The following B3GLCT variants were observed in gnomAD, a reference collection of about 807,000 sequenced individuals.
B3GLCT encodes the protein beta-1,3-glucosyltransferase.
A neutral mutation model predicts 63.4 loss-of-function variants in B3GLCT; 65 were observed. The observed-to-expected ratio is 1.03, with a 90% CI of 0.84 to 1.26. The LOEUF (loss-of-function observed/expected upper bound fraction) is 1.26. B3GLCT is among the 50% of genes most tolerant of loss of function. The probability of loss-of-function intolerance (pLI) is 0.00; values close to 1 mark genes in which losing one functional copy is unlikely to be tolerated. For missense variants in B3GLCT, 577 were observed against 604.8 expected (o/e 0.95, Z 0.48); for synonymous variants, 233 against 219.2 (o/e 1.06, Z -0.55).
chr13:31,327,633 G>A (rs1875699274), intron 14 of B3GLCT, among the ~76,000 whole-genome samples: 1 of 152,180 alleles, frequency 6.6e-6, no homozygotes, highest in African/African-American at 2.4e-5. Context: ...ACGGAATTGA[G>A]AGGATGTTTC....
chr13:31,222,074 A>ATTTTTT (rs5802597), intron 2 of B3GLCT, among the ~76,000 whole-genome samples: 3 of 92,956 alleles, frequency 3.2e-5, no homozygotes, highest in Non-Finnish European at 6.5e-5. Context: ...TGTGCTCCTG[A>ATTTTTT]TTTTTTTTTT....
At chr13:31,247,726 A>C (rs1235809627) in intron 5 of B3GLCT, 129 bp from the exon 6 acceptor site, 10 of 570,220 alleles carry the variant, frequency 1.8e-5, no homozygotes, top group East Asian at 5.9e-5. Context: ...AAGCTGAAGA[A>C]AAATATAGAG....
intron 12 of B3GLCT, among the ~76,000 whole-genome samples, chr13:31,314,412 CTT>C (rs1257633736): frequency 6.6e-6 from 1 of 152,222 alleles, no homozygotes; most frequent in Admixed American, 6.5e-5. Context: ...GAACCCACCT[CTT>C]GCATCAGTGT....
chr13:31,233,357 G>C (rs933340775), intron 4 of B3GLCT, among the ~76,000 whole-genome samples: 1 of 151,958 alleles, frequency 6.6e-6, no homozygotes, highest in Non-Finnish European at 1.5e-5. Flanking sequence ...AGAACCAGAA[G>C]ATTCACTTGA....
chr13:31,248,441 A>G (rs1871290071), intron 6 of B3GLCT, among the ~76,000 whole-genome samples: 1 of 152,238 alleles, frequency 6.6e-6, no homozygotes, highest in Non-Finnish European at 1.5e-5. Context: ...ACAGACCATT[A>G]GAGAAGCAGT....
At chr13:31,328,658 A>C (rs1875756005) in intron 14 of B3GLCT, among the ~76,000 whole-genome samples, 1 of 122,094 alleles carries the variant, frequency 8.2e-6, no homozygotes, top group South Asian at 2.9e-4. Flanking sequence ...GCCCCACTGC[A>C]CTCCAGCCTG....
intron 1 of B3GLCT, among the ~76,000 whole-genome samples, chr13:31,206,614 C>T (rs1357193341): frequency 6.8e-6 from 1 of 147,006 alleles, no homozygotes; most frequent in Non-Finnish European, 1.5e-5. Context: ...GGTAGCCGGG[C>T]ATGGTGGCGG....
chr13:31,257,999 C>T (rs1462977346), intron 6 of B3GLCT, among the ~76,000 whole-genome samples: 2 of 151,960 alleles, frequency 1.3e-5, no homozygotes, highest in Admixed American at 6.6e-5. Flanking sequence ...TATAATGTGT[C>T]GGATGGTAAC....
chr13:31,210,390 A>G (rs1370559469), intron 1 of B3GLCT, among the ~76,000 whole-genome samples: 2 of 152,266 alleles, frequency 1.3e-5, no homozygotes, highest in Non-Finnish European at 2.9e-5. Context: ...GAATCTGGAA[A>G]TTAATATGAA....
intron 4 of B3GLCT, among the ~76,000 whole-genome samples, chr13:31,239,653 T>C (rs1870831041): frequency 6.6e-6 from 1 of 151,762 alleles, no homozygotes; most frequent in Non-Finnish European, 1.5e-5. Flanking sequence ...ATCTTGAATT[T>C]ATGTTGTGAT....
intron 7 of B3GLCT, among the ~76,000 whole-genome samples, chr13:31,266,027 T>G (rs1872285724): frequency 6.6e-6 from 1 of 151,264 alleles, no homozygotes; most frequent in African/African-American, 2.4e-5. Context: ...TGAAACGGAG[T>G]CTCGCTCTGT....
intron 4 of B3GLCT, among the ~76,000 whole-genome samples, chr13:31,241,147 T>C (rs913233187): frequency 1.3e-5 from 2 of 152,258 alleles, no homozygotes; most frequent in Non-Finnish European, 2.9e-5. Flanking sequence ...TGTCTCTCTT[T>C]GGTTGCCCAG....
rs751795889 is a variant in B3GLCT, at chr13:31,260,991, A to G, written c.505A>G (p.Ile169Val). The G allele has an allele frequency of 6.2e-7, 1 of 1,614,040 alleles. No homozygotes were observed. Among genetic ancestry groups the G allele is most frequent in the South Asian group, 1.1e-5 (1 of 91,076 alleles). Residue 169 changes from isoleucine (I) to valine (V), a missense_variant, in exon 7 of 15, where the codon ATT (isoleucine) becomes GTT (valine). Ile to Val is a conservative substitution (Grantham distance 29, BLOSUM62 3). Coordinates refer to ENST00000343307, the MANE Select transcript of B3GLCT (RefSeq NM_194318.4). Reference protein sequence around the residue: ...KALHDEEATIIHHYAFSENPT... With the variant: ...KALHDEEATIVHHYAFSENPT... ...ATTACATGATGAAGAAGCTACAATA[A>G]TTCACCATTATGCCTTTTCCGAGAA... is the stretch of plus-strand genomic sequence containing the variant.
Position 31,200,046 on chromosome 13 carries a change from C to T in B3GLCT, c.-39C>T. On this transcript the variant is annotated 5_prime_UTR_variant, in exon 1 of 15. Coordinates refer to ENST00000343307, the MANE Select transcript of B3GLCT (RefSeq NM_194318.4). ...GCTCCGCTCCCCGCGCGTCTCCCTT[C>T]CCCGCGCCCAGGTAGGGCGCTCAGC... 2.3e-6 allele frequency: 3 copies of T among 1,303,894 alleles called. No individual in the cohort carries two copies. Among genetic ancestry groups the T allele is most frequent in the South Asian group, 1.7e-5 (1 of 59,508 alleles). 80.8% of individuals were successfully genotyped at this position (1,303,894 alleles called of 1,614,324 possible).
intron 12 of B3GLCT, among the ~76,000 whole-genome samples, chr13:31,301,378 A>G (rs781501130): frequency 6.6e-6 from 1 of 152,196 alleles, no homozygotes; most frequent in Non-Finnish European, 1.5e-5. Context: ...AGCAAGTTCC[A>G]TTAATACTGC....
intron 4 of B3GLCT, among the ~76,000 whole-genome samples, chr13:31,243,659 C>T (rs1012610427): frequency 6.6e-6 from 1 of 152,174 alleles, no homozygotes; most frequent in Non-Finnish European, 1.5e-5. Context: ...TAAGAACCAA[C>T]TAATGAATTA....
At chr13:31,219,285 G>T (rs1869706410) in intron 2 of B3GLCT, among the ~76,000 whole-genome samples, 2 of 152,154 alleles carry the variant, frequency 1.3e-5, no homozygotes, top group Admixed American at 1.3e-4. Context: ...GGCAAGGTTG[G>T]TTCATCATAA....
intron 13 of B3GLCT, among the ~76,000 whole-genome samples, chr13:31,318,850 T>C (rs1432408548): frequency 6.6e-6 from 1 of 152,218 alleles, no homozygotes; most frequent in Admixed American, 6.5e-5. Context: ...TATAGCATGA[T>C]GGCGTTCATA....
intron 7 of B3GLCT, among the ~76,000 whole-genome samples, chr13:31,262,114 G>T (rs376976038): frequency 6.6e-6 from 1 of 152,320 alleles, no homozygotes; most frequent in Non-Finnish European, 1.5e-5. Context: ...AGGAAGAGTC[G>T]TTTGCAGTTG....
Sources: gnomAD v4.1 joint callset for allele counts (sites outside exome capture counted in the v4.1 genomes callset) on GRCh38, gnomAD v4.1.1 for gene constraint, MANE v1.5 for transcripts, NCBI Gene and HGNC (gene_info 2026-07-23, HGNC 2026-07-21) for gene names.